The following RUNX1 variants were observed in gnomAD, a reference collection of about 807,000 sequenced individuals.
RUNX1 encodes runt-related transcription factor 1.
A neutral mutation model predicts 42.8 loss-of-function variants in RUNX1; 19 were observed. The observed-to-expected ratio is 0.44, with a 90% CI of 0.31 to 0.65. The LOEUF (loss-of-function observed/expected upper bound fraction) is 0.65, where lower values mean the gene tolerates loss of function less well. RUNX1 is among the 30% of genes least tolerant of loss of function. RUNX1 has a pLI of 0.07. For synonymous variants in RUNX1, 271 were observed against 289.4 expected, an observed-to-expected ratio of 0.94 and a Z score of 0.64; for missense variants, 528 against 672.0, an observed-to-expected ratio of 0.79 and a Z score of 2.37.
intron 2 of RUNX1, among the ~76,000 whole-genome samples, chr21:35,013,152 T>G (rs541656867): frequency 6.6e-6 from 1 of 152,354 alleles, no homozygotes; most frequent in African/African-American, 2.4e-5. Flanking sequence ...TCTACATCAT[T>G]TACCTTCTTT....
At chr21:34,881,111 G>C (rs937352356) in intron 4 of RUNX1, among the ~76,000 whole-genome samples, 6 of 152,134 alleles carry the variant, frequency 3.9e-5, no homozygotes, top group Non-Finnish European at 7.4e-5. Context: ...CAAGGATTTT[G>C]AGTAGCTATG....
At chr21:34,869,864 A>ATTAAAATGAAG (rs1275288508) in intron 5 of RUNX1, among the ~76,000 whole-genome samples, 1 of 152,204 alleles carries the variant, frequency 6.6e-6, no homozygotes, top group African/African-American at 2.4e-5. Flanking sequence ...CTGCTTCATT[A>ATTAAAATGAAG]TTAAAATGAA....
At chr21:34,971,833 A>G (rs2058765921) in intron 2 of RUNX1, among the ~76,000 whole-genome samples, 1 of 152,190 alleles carries the variant, frequency 6.6e-6, no homozygotes, top group Admixed American at 6.5e-5. Context: ...CAGAACAAGC[A>G]TAACAACATG....
chr21:34,880,533 G>T, intron 5 of RUNX1, 24 bp downstream of exon 5: 1 of 1,612,850 alleles, frequency 6.2e-7, no homozygotes. Context: ...CGTGTTTCAA[G>T]CATAGTTTTG....
At chr21:34,853,619 C>T (rs866800751) in intron 6 of RUNX1, among the ~76,000 whole-genome samples, 16 of 152,084 alleles carry the variant, frequency 1.1e-4, no homozygotes, top group Admixed American at 5.9e-4. Context: ...AATTAATATG[C>T]GTGAAGCACT....
chr21:34,804,569 A>G (rs1361010722), intron 7 of RUNX1, among the ~76,000 whole-genome samples: 1 of 152,142 alleles, frequency 6.6e-6, no homozygotes, highest in Admixed American at 6.6e-5. Context: ...GAAAGGCAAG[A>G]AAAAAACACA....
chr21:34,961,061 A>G (rs2058678644), intron 2 of RUNX1, among the ~76,000 whole-genome samples: 1 of 152,222 alleles, frequency 6.6e-6, no homozygotes, highest in South Asian at 2.1e-4. Context: ...TTTTAACAAA[A>G]CCAAATAAAC....
At chr21:35,017,465 C>T (rs2059167561) in intron 2 of RUNX1, among the ~76,000 whole-genome samples, 1 of 152,172 alleles carries the variant, frequency 6.6e-6, no homozygotes, top group Non-Finnish European at 1.5e-5. Flanking sequence ...TCATTTTACA[C>T]ACGCCTAAGC....
chr21:34,792,051 G>A lies in RUNX1; in HGVS notation c.*84C>T. ...GCCGGGCCCAGGGCCCGGGATCCCG[G>A]CGGGCTTGTCGCGAACAGGAGGCCC... On this transcript the variant is annotated 3_prime_UTR_variant, in exon 9 of 9. Coordinates refer to ENST00000675419, the MANE Select transcript of RUNX1 (RefSeq NM_001754.5). This position sits in a 1 kb window ranked among gnomAD's most constrained non-coding sequence, Gnocchi z 6.9. The A allele has an allele frequency of 1.1e-6, 1 of 898,880 alleles. No homozygotes were observed. Among genetic ancestry groups the A allele is most frequent in the Non-Finnish European group, 1.5e-6 (1 of 650,294 alleles). 55.7% of individuals were successfully genotyped at this position (898,880 alleles called of 1,614,324 possible). A position where few individuals can be genotyped will look rare whatever the true frequency, so the allele number is the denominator to read the frequency against.
In RUNX1 at chr21:34,834,450, G is replaced by A. The variant is rs2146074929; in HGVS notation, c.765C>T (p.His255=). The change falls in exon 7 of 9, where the codon CAC becomes CAT. Residue 255 remains histidine (H), a synonymous_variant. Transcript: ENST00000675419. The stretch of plus-strand genomic sequence containing the variant: ...GAGGCTGAGGGTTAAAGGCAGTGGA[G>A]TGGTTCAGGGAGGCACGAGGGTTGG... The part of the protein sequence containing the change: ...PTPNPRASLN[H]STAFNPQPQS... The A allele has an allele frequency of 6.2e-7, 1 of 1,610,554 alleles. No individual in the cohort carries two copies.
chr21:34,892,389 A>G (rs2058090153), intron 3 of RUNX1, among the ~76,000 whole-genome samples: 1 of 152,170 alleles, frequency 6.6e-6, no homozygotes, highest in Non-Finnish European at 1.5e-5. Flanking sequence ...GAGAGCCCTT[A>G]GTTCTTCCAT....
chr21:35,031,375 C>T (rs1188519560), intron 2 of RUNX1, among the ~76,000 whole-genome samples: 3 of 151,950 alleles, frequency 2.0e-5, no homozygotes, highest in Admixed American at 6.6e-5. Flanking sequence ...CAAGAGATAA[C>T]AAGTATTGGT....
chr21:34,835,789 C>T (rs1387740204), intron 6 of RUNX1, among the ~76,000 whole-genome samples: 1 of 152,162 alleles, frequency 6.6e-6, no homozygotes, highest in African/African-American at 2.4e-5. Flanking sequence ...GCCCGCTGCC[C>T]CCATAAAGTG....
chr21:34,821,091 A>G (rs2056901188), intron 7 of RUNX1, among the ~76,000 whole-genome samples: 1 of 152,188 alleles, frequency 6.6e-6, no homozygotes, highest in South Asian at 2.1e-4. Context: ...GGTTTATCCA[A>G]GGAAACAAAA....
At chr21:34,871,117 G>A (rs966958790) in intron 5 of RUNX1, among the ~76,000 whole-genome samples, 3 of 152,024 alleles carry the variant, frequency 2.0e-5, no homozygotes, top group East Asian at 1.9e-4. Context: ...CCACTTCCTC[G>A]GGGCTCCTGA....
At chr21:34,999,635 C>T (rs1314983280) in intron 2 of RUNX1, among the ~76,000 whole-genome samples, 1 of 152,144 alleles carries the variant, frequency 6.6e-6, no homozygotes, top group East Asian at 1.9e-4. Context: ...TAGTGTTCGA[C>T]ATGTGGGGAC....
At chr21:34,842,347 T>C (rs1344935056) in intron 6 of RUNX1, among the ~76,000 whole-genome samples, 1 of 151,420 alleles carries the variant, frequency 6.6e-6, no homozygotes, top group Non-Finnish European at 1.5e-5. Flanking sequence ...ATAAAAAAAT[T>C]AGCCAAGCAT....
Position 34,962,979 on chromosome 21 carries a change from T to C in RUNX1, c.59-70016A>G, listed in dbSNP as rs567049069. Among the ~76,000 whole-genome samples, 34 of 152,334 alleles carry C rather than the reference T, an allele frequency of 2.2e-4. No homozygotes were observed. In the East Asian group the frequency reaches 5.0e-3, roughly 22 times the overall value. ...AACGGAGGGAAGGAGGAAACACCCTTGCCCAACATCAGCACTTTGTTCTCA... is the reference window on the plus strand; with the variant it reads ...AACGGAGGGAAGGAGGAAACACCCTCGCCCAACATCAGCACTTTGTTCTCA... On this transcript the variant is annotated intron_variant, in intron 2 of 8. Transcript: ENST00000675419.
rs901470889 is a variant in RUNX1 at position 34,942,297 on chromosome 21, C to T, written c.59-49334G>A. The stretch of plus-strand genomic sequence containing the variant: ...AGATTTATAAGACTGCATTTTTGGA[C>T]TTTCTCTAATGCACTCAAGCAAAAA... On this transcript the variant is annotated intron_variant, in intron 2 of 8. Transcript: ENST00000675419. 2.0e-5 allele frequency among the ~76,000 whole-genome samples: 3 copies of T among 150,816 alleles called. No individual in the cohort carries two copies. The South Asian group carries it at 6.3e-4, about 31-fold the overall frequency.
Sources: gnomAD v4.1 joint callset for allele counts (sites outside exome capture counted in the v4.1 genomes callset) on GRCh38, gnomAD v4.1.1 for gene constraint, Gnocchi (gnomAD v3.1) non-coding constraint, MANE v1.5 for transcripts, NCBI Gene and HGNC (gene_info 2026-07-23, HGNC 2026-07-21) for gene names.